NIPSNAP2: variants seen among roughly 807,000 people sequenced by gnomAD.
NIPSNAP2 encodes the protein nipsnap homolog 2.
In NIPSNAP2, 42 loss-of-function variants were observed where a neutral mutation model predicts 48.4. The ratio of observed to expected loss-of-function variants is 0.87; its 90% CI spans 0.68 to 1.12. The LOEUF (loss-of-function observed/expected upper bound fraction) is 1.12. Among genes scored for constraint, NIPSNAP2 ranks in the 50% most tolerant of loss-of-function variants. The probability of loss-of-function intolerance (pLI) is 0.00; values close to 1 mark genes in which losing one functional copy is unlikely to be tolerated. For synonymous variants in NIPSNAP2, 158 were observed against 126.6 expected (o/e 1.25, Z -1.67); for missense variants, 314 against 347.3 (o/e 0.90, Z 0.76).
chr7:55,992,844 C>T (rs1355160064), intron 7 of NIPSNAP2, among the ~76,000 whole-genome samples: 1 of 152,132 alleles, frequency 6.6e-6, no homozygotes, highest in Non-Finnish European at 1.5e-5. Flanking sequence ...AGACCTTAAC[C>T]ATGTGTCTTC....
Position 55,982,208 on chromosome 7 carries a change from A to G in NIPSNAP2, c.374-2A>G. On this transcript the variant is annotated splice_acceptor_variant, in intron 4 of 9. Transcript: ENST00000322090. LOFTEE classifies it high-confidence loss of function. Reference sequence around the variant, plus strand: ...TATACTGTCTTTTAAAATGCATTTCAGTCCACCTCTGGAGGTATGAAGGAG... The same window carrying G: ...TATACTGTCTTTTAAAATGCATTTCGGTCCACCTCTGGAGGTATGAAGGAG... 1.3e-5 allele frequency: 21 copies of G among 1,594,574 alleles called. No homozygotes were observed. Among genetic ancestry groups the G allele is most frequent in the Non-Finnish European group, 1.7e-5 (20 of 1,163,150 alleles).
intron 9 of NIPSNAP2, among the ~76,000 whole-genome samples, chr7:55,998,613 G>T (rs892898131): frequency 3.6e-5 from 5 of 137,606 alleles, no homozygotes; most frequent in Non-Finnish European, 6.1e-5. Context: ...CGATTCTCCC[G>T]CCTCAGCCTC....
chr7:55,984,625 A>G (rs1032395591), intron 6 of NIPSNAP2, among the ~76,000 whole-genome samples: 1 of 151,440 alleles, frequency 6.6e-6, no homozygotes, highest in African/African-American at 2.4e-5. Flanking sequence ...AGGCTGAGGC[A>G]GGAGAATTGC....
chr7:55,976,736 AAATT>A lies in NIPSNAP2; in HGVS notation c.93-1387_93-1384del, dbSNP rs553260723. On this transcript the variant is annotated intron_variant, in intron 1 of 9. Coordinates refer to ENST00000322090, the MANE Select transcript of NIPSNAP2 (RefSeq NM_001483.3). Reference sequence around the variant, plus strand: ...CCCCATCTCTACAAAAAATTTAAAAAAATTAACCATGCAAGATGACGTATGCCTC... The same window carrying A: ...CCCCATCTCTACAAAAAATTTAAAAAAACCATGCAAGATGACGTATGCCTC... 9.1e-4 allele frequency among the ~76,000 whole-genome samples: 139 copies of A among 152,224 alleles called. 1 individual carries two copies. The highest frequency in any genetic ancestry group is 3.4e-3 in the Middle Eastern group (1 of 294).
In NIPSNAP2 at chr7:55,965,315, T is replaced by C. The variant is rs186437498; in HGVS notation, c.92+614T>C. Reference sequence around the variant, plus strand: ...AGTACTTAGAGTTATCAGCACTAAGTTCAGGCGTGGGGCTCTTGTTTAAAC... The same window carrying C: ...AGTACTTAGAGTTATCAGCACTAAGCTCAGGCGTGGGGCTCTTGTTTAAAC... On this transcript the variant is annotated intron_variant, in intron 1 of 9. Coordinates refer to ENST00000322090, the MANE Select transcript of NIPSNAP2 (RefSeq NM_001483.3). 1.1e-4 allele frequency: 16 copies of C among 151,962 alleles called. No individual in the cohort carries two copies. The East Asian group carries it at 3.1e-3, about 29-fold the overall frequency. 9.4% of individuals were successfully genotyped at this position (151,962 alleles called of 1,614,324 possible). A position where few individuals can be genotyped will look rare whatever the true frequency, so the allele number is the denominator to read the frequency against.
chr7:55,981,613 A>T, intron 4 of NIPSNAP2, 46 bp downstream of exon 4: 1 of 1,229,586 alleles, frequency 8.1e-7, no homozygotes, highest in East Asian at 2.3e-5. Flanking sequence ...CTTAAGCCTT[A>T]TGTAACACTT....
chr7:55,988,896 C>T (rs1368279481), intron 7 of NIPSNAP2, among the ~76,000 whole-genome samples: 1 of 151,978 alleles, frequency 6.6e-6, no homozygotes, highest in Non-Finnish European at 1.5e-5. Flanking sequence ...ACATATGACC[C>T]AGCAATTTCA....
At chr7:55,988,075 A>G (rs964619971) in intron 7 of NIPSNAP2, among the ~76,000 whole-genome samples, 13 of 152,114 alleles carry the variant, frequency 8.5e-5, no homozygotes, top group African/African-American at 3.1e-4. Flanking sequence ...CAGCCTGGGC[A>G]ACATGGTGAA....
chr7:55,984,101 T>C lies in NIPSNAP2; in HGVS notation c.585+233T>C, dbSNP rs187559705. On this transcript the variant is annotated intron_variant, in intron 6 of 9. Transcript: ENST00000322090. ...ATTTGATATTTTTCTAAATAACATA[T>C]TTGTTTTTAAGAAGAAAGACCTAAA... Among the ~76,000 whole-genome samples the C allele has an allele frequency of 6.3e-3, 936 of 148,398 alleles. 9 individuals are homozygous for C. Among genetic ancestry groups the C allele is most frequent in the African/African-American group, 0.022 (892 of 41,366 alleles).
At chr7:55,976,474 G>T (rs1451336650) in intron 1 of NIPSNAP2, among the ~76,000 whole-genome samples, 1 of 152,200 alleles carries the variant, frequency 6.6e-6, no homozygotes, top group East Asian at 1.9e-4. Flanking sequence ...TCATTATTGG[G>T]CTGAAGTCAT....
intron 2 of NIPSNAP2, 21 bp downstream of exon 2, chr7:55,978,286 C>T (rs750444072): frequency 1.2e-6 from 2 of 1,613,334 alleles, no homozygotes; most frequent in South Asian, 2.2e-5. Flanking sequence ...GGTTTGCTAT[C>T]TTCATAGTTG....
chr7:55,998,811 A>G (rs928594944), intron 9 of NIPSNAP2, among the ~76,000 whole-genome samples, 197 bp from the exon 10 acceptor site: 1 of 152,124 alleles, frequency 6.6e-6, no homozygotes, highest in African/African-American at 2.4e-5. Context: ...TGTAATTTTA[A>G]TAGCATCTTG....
In NIPSNAP2 at chr7:55,983,848, C is replaced by T. The variant is rs779433481; in HGVS notation, c.565C>T (p.Leu189Phe). The change falls in exon 6 of 10, where the codon CTC becomes TTC. Residue 189 changes from leucine (L) to phenylalanine (F), a missense_variant. Physicochemically the swap from Leu to Phe is conservative, Grantham distance 22. Transcript: ENST00000322090. ...AAGATCCGGACCTAATATATATGAACTCAGGTCTTACCAACTCCGAGTAAG... is the reference window on the plus strand; with the variant it reads ...AAGATCCGGACCTAATATATATGAATTCAGGTCTTACCAACTCCGAGTAAG... Reference protein sequence around the residue: ...VPRSGPNIYELRSYQLRPGTM... With the variant: ...VPRSGPNIYEFRSYQLRPGTM... 1.1e-5 allele frequency: 18 copies of T among 1,613,796 alleles called. No individual in the cohort carries two copies. Among genetic ancestry groups the T allele is most frequent in the Non-Finnish European group, 1.3e-5 (15 of 1,179,928 alleles).
intron 7 of NIPSNAP2, among the ~76,000 whole-genome samples, chr7:55,987,585 G>A (rs1242001980): frequency 2.6e-5 from 4 of 152,128 alleles, no homozygotes; most frequent in South Asian, 2.1e-4. Context: ...CTGAGATCGC[G>A]CCACTGCCCT....
At chr7:55,985,779 G>A (rs1787315488) in intron 7 of NIPSNAP2, among the ~76,000 whole-genome samples, 2 of 150,682 alleles carry the variant, frequency 1.3e-5, no homozygotes, top group Non-Finnish European at 3.0e-5. Context: ...CGGGCATGTT[G>A]GCTCACACCT....
intron 1 of NIPSNAP2, among the ~76,000 whole-genome samples, chr7:55,976,444 G>A (rs549985990): frequency 3.3e-4 from 51 of 152,318 alleles, no homozygotes; most frequent in South Asian, 2.7e-3. Flanking sequence ...ATAGCTGGCC[G>A]TAGGACATAA....
intron 1 of NIPSNAP2, among the ~76,000 whole-genome samples, chr7:55,971,487 G>A (rs1283626779): frequency 6.6e-6 from 1 of 152,080 alleles, no homozygotes; most frequent in African/African-American, 2.4e-5. Flanking sequence ...TGTTTTAGAG[G>A]TGGTCTTGCT....
intron 3 of NIPSNAP2, chr7:55,980,135 T>C (rs1014199069): frequency 2.3e-5 from 5 of 214,076 alleles, no homozygotes; most frequent in Non-Finnish European, 4.9e-5. Context: ...GAATCCCTCT[T>C]TCCCTGTCCT....
At chr7:55,994,010 T>G (rs969148105) in intron 7 of NIPSNAP2, among the ~76,000 whole-genome samples, 70 of 152,110 alleles carry the variant, frequency 4.6e-4, no homozygotes, top group Non-Finnish European at 1.5e-5. Context: ...GGTTCCTCTG[T>G]ATGGCATCCA....
Sources: gnomAD v4.1 joint callset for allele counts (sites outside exome capture counted in the v4.1 genomes callset) on GRCh38, gnomAD v4.1.1 for gene constraint, MANE v1.5 for transcripts, NCBI Gene and HGNC (gene_info 2026-07-23, HGNC 2026-07-21) for gene names.